Variants in CNTLN observed in about 807,000 individuals in gnomAD.
CNTLN encodes the protein centlein, centrosomal protein.
In CNTLN, 212 loss-of-function variants were observed where a neutral mutation model predicts 180.0. The ratio of observed to expected loss-of-function variants is 1.18; its 90% CI spans 1.05 to 1.32. The LOEUF is 1.32. Among genes scored for constraint, CNTLN ranks in the 40% most tolerant of loss-of-function variants. The pLI is 0.00. For synonymous variants in CNTLN, 722 were observed against 563.1 expected, an observed-to-expected ratio of 1.28 and a Z score of -3.99; for missense variants, 2,095 against 1,610.9, an observed-to-expected ratio of 1.30 and a Z score of -5.14.
At chr9:17,403,311 G>T (rs987228420) in intron 15 of CNTLN, among the ~76,000 whole-genome samples, 1 of 151,836 alleles carries the variant, frequency 6.6e-6, no homozygotes. Context: ...CATGGCACAG[G>T]TGTCCTGCCA....
At chr9:17,400,152 T>A (rs907132113) in intron 15 of CNTLN, among the ~76,000 whole-genome samples, 27 of 152,178 alleles carry the variant, frequency 1.8e-4, no homozygotes, top group African/African-American at 6.0e-4. Context: ...TTATTTATTT[T>A]TTTGAGATGG....
chr9:17,344,690 A>G (rs1261357792), intron 12 of CNTLN, among the ~76,000 whole-genome samples: 7 of 152,344 alleles, frequency 4.6e-5, no homozygotes, highest in African/African-American at 1.7e-4. Flanking sequence ...ATAAAACAAT[A>G]AGGCATTAAA....
chr9:17,194,281 G>T (rs1156756972), intron 2 of CNTLN, among the ~76,000 whole-genome samples: 4 of 152,074 alleles, frequency 2.6e-5, no homozygotes, highest in Admixed American at 2.6e-4. Flanking sequence ...TTTTTCTTTT[G>T]TATCACATTG....
chr9:17,292,476 A>G (rs957986915), intron 6 of CNTLN, among the ~76,000 whole-genome samples: 1 of 151,980 alleles, frequency 6.6e-6, no homozygotes, highest in Admixed American at 6.6e-5. Flanking sequence ...CATAATCCCA[A>G]AGTTCATGGA....
In CNTLN at chr9:17,274,546, C is replaced by T. The variant is rs941694648; in HGVS notation, c.983+680C>T. On this transcript the variant is annotated intron_variant, in intron 6 of 25. Coordinates refer to ENST00000380647, the MANE Select transcript of CNTLN (RefSeq NM_017738.4). ...CCATCCATCCACATGCATGAAAGGA[C>T]ATGCATGCATGTTTGTATTTATTTT... Among the ~76,000 whole-genome samples the T allele has an allele frequency of 4.0e-5, 6 of 151,754 alleles. No individual in the cohort carries two copies. The South Asian group carries it at 1.2e-3, about 32-fold the overall frequency.
intron 5 of CNTLN, among the ~76,000 whole-genome samples, chr9:17,239,084 C>T (rs977657554): frequency 1.3e-5 from 2 of 152,162 alleles, no homozygotes; most frequent in African/African-American, 2.4e-5. Context: ...GTTGCCCAGG[C>T]TGGAATACAG....
At chr9:17,356,714 A>G (rs574699525) in intron 12 of CNTLN, among the ~76,000 whole-genome samples, 1 of 152,288 alleles carries the variant, frequency 6.6e-6, no homozygotes, top group East Asian at 1.9e-4. Context: ...ATTTAGCAGA[A>G]CACACATGGC....
intron 25 of CNTLN, among the ~76,000 whole-genome samples, chr9:17,493,937 C>G (rs748996800): frequency 5.9e-5 from 9 of 152,178 alleles, no homozygotes; most frequent in Non-Finnish European, 1.0e-4. Context: ...TTCTGTCTCA[C>G]GTTAGCATGA....
rs773231523 is a variant in CNTLN at position 17,466,784 on chromosome 9, A to G, written c.3748A>G (p.Lys1250Glu). 6.2e-7 allele frequency: 1 copy of G among 1,611,024 alleles called. No homozygotes were observed. Among genetic ancestry groups the G allele is most frequent in the South Asian group, 1.1e-5 (1 of 90,956 alleles). Residue 1250 changes from lysine to glutamate, a missense_variant, in exon 23 of 26, where the codon AAG becomes GAG. Physicochemically the swap from Lys to Glu is moderately conservative, Grantham distance 56. Transcript: ENST00000380647. ...GGCAGAAATTGAAACAGCAGCATCT[A>G]AGCAGCTTCAAGAATTAGCATTGCA... ...AMAEIETAAS[K>E]QLQELALQSE...
chr9:17,492,001 T>C (rs1833187448), intron 25 of CNTLN, among the ~76,000 whole-genome samples: 2 of 152,100 alleles, frequency 1.3e-5, no homozygotes, highest in Non-Finnish European at 2.9e-5. Flanking sequence ...ACAAATGCAT[T>C]CAGAAACTGA....
At chr9:17,237,771 G>T (rs2094089955) in intron 5 of CNTLN, among the ~76,000 whole-genome samples, 1 of 151,656 alleles carries the variant, frequency 6.6e-6, no homozygotes, top group Non-Finnish European at 1.5e-5. Context: ...ATGCATGTGT[G>T]CAAGAATATT....
At chr9:17,477,844 AG>A (rs1241933725) in intron 23 of CNTLN, among the ~76,000 whole-genome samples, 19 of 152,242 alleles carry the variant, frequency 1.2e-4, no homozygotes, top group Admixed American at 6.5e-5. Flanking sequence ...AAGCAGTGGC[AG>A]GGTTTGAGAG....
downstream of CNTLN, among the ~76,000 whole-genome samples, chr9:17,508,439 C>G (rs1564161429): frequency 6.6e-6 from 1 of 152,078 alleles, no homozygotes; most frequent in South Asian, 2.1e-4. Context: ...TAAGTTTTTA[C>G]ATTCACTTCG....
chr9:17,212,471 G>T (rs1002143128), intron 2 of CNTLN, among the ~76,000 whole-genome samples: 3 of 152,148 alleles, frequency 2.0e-5, no homozygotes, highest in African/African-American at 7.2e-5. Context: ...ATTTTATTAA[G>T]GATTTTTCTG....
At chr9:17,275,248 T>G (rs1270723502) in intron 6 of CNTLN, among the ~76,000 whole-genome samples, 1 of 152,122 alleles carries the variant, frequency 6.6e-6, no homozygotes, top group African/African-American at 2.4e-5. Flanking sequence ...TTATATTGTT[T>G]AAATTTTTGA....
intron 5 of CNTLN, among the ~76,000 whole-genome samples, chr9:17,262,850 G>T (rs569192021): frequency 2.6e-5 from 4 of 151,272 alleles, no homozygotes; most frequent in South Asian, 2.1e-4. Context: ...TGGGTTTGTC[G>T]TAGATGGCTC....
intron 2 of CNTLN, among the ~76,000 whole-genome samples, chr9:17,144,425 A>G (rs2131448264): frequency 6.6e-6 from 1 of 152,130 alleles, no homozygotes; most frequent in African/African-American, 2.4e-5. Context: ...CTGTTTTTTT[A>G]GTAGAATAAG....
intron 5 of CNTLN, among the ~76,000 whole-genome samples, chr9:17,242,314 TTC>T (rs200566639): frequency 3.6e-5 from 5 of 137,822 alleles, no homozygotes; most frequent in African/African-American, 1.3e-4. Context: ...GTTTTTTTTT[TTC>T]CTTTTGTCTT....
intron 2 of CNTLN, among the ~76,000 whole-genome samples, chr9:17,156,181 T>A (rs1819275260): frequency 6.6e-6 from 1 of 152,200 alleles, no homozygotes; most frequent in Non-Finnish European, 1.5e-5. Flanking sequence ...TTCGGCCATC[T>A]TGAATCTCAG....
Sources: allele counts gnomAD v4.1 joint callset (sites outside exome capture counted in the v4.1 genomes callset), GRCh38; gene constraint gnomAD v4.1.1; transcripts MANE v1.5; gene names NCBI Gene and HGNC (gene_info 2026-07-23, HGNC 2026-07-21).